The following CSPG4 variants were observed in gnomAD, a reference collection of about 807,000 sequenced individuals.
CSPG4 encodes chondroitin sulfate proteoglycan 4.
Under a neutral mutation model 139.3 loss-of-function variants are expected in CSPG4, and 74 were observed. The observed-to-expected ratio is 0.53, with a 90% CI of 0.44 to 0.64. The LOEUF is 0.64. Among genes scored for constraint, CSPG4 ranks in the 30% least tolerant of loss-of-function variants. The probability of loss-of-function intolerance (pLI) is 0.00; values close to 1 mark genes in which losing one functional copy is unlikely to be tolerated. For synonymous variants in CSPG4, 1,234 were observed against 1,394.2 expected (o/e 0.89, Z 2.56); for missense variants, 2,565 against 3,148.3 (o/e 0.81, Z 4.43).
At position 75,685,392 on chromosome 15, in the gene CSPG4, C is replaced by T. The variant is rs772682347; in HGVS notation, c.4099G>A (p.Val1367Ile). The T allele has an allele frequency of 7.1e-5, 114 of 1,610,884 alleles. No homozygotes were observed. Among genetic ancestry groups the T allele is most frequent in the Non-Finnish European group, 8.6e-5 (101 of 1,179,390 alleles). ...AIPLEAQNFS[V>I]PEGGSLTLAP... ...AGGGTGAGGCTGCCACCCTCAGGGA[C>T]GCTGAAGTTTTGCGCCTCTAGTGGG... Residue 1367 changes from valine (V) to isoleucine (I), a missense_variant, in exon 4 of 10, where the codon GTC becomes ATC. By Grantham distance (29) the Val-to-Ile change is conservative (BLOSUM62 3). Around this residue, in one of 5 missense-constraint regions of CSPG4, gnomAD observed 2,316 missense variants for 2,818.2 expected, o/e 0.82. Transcript: ENST00000308508.
At position 75,685,204 on chromosome 15, in the gene CSPG4, C is replaced by A; in HGVS notation, c.4272+15G>T. ...GAGCTGGGCTGCAGCCCCTGGGCCT[C>A]TCTCACAGCCATACCATTCTCCAGG... On this transcript the variant is annotated intron_variant, in intron 4 of 9. Transcript: ENST00000308508. The A allele has an allele frequency of 6.6e-7, 1 of 1,511,604 alleles. No individual in the cohort carries two copies. Among genetic ancestry groups the A allele is most frequent in the South Asian group, 1.3e-5 (1 of 74,902 alleles). The allele number at this position is 1,511,604 out of a possible 1,614,324, so 93.6% of individuals were successfully genotyped here.
chr15:75,679,062 T>C (rs1390331662), intron 8 of CSPG4: 1 of 264,594 alleles, frequency 3.8e-6, no homozygotes, highest in Non-Finnish European at 7.4e-6. Context: ...CATGAGTCCT[T>C]ATTCAGTCTC....
At chr15:75,681,052 G>A (rs1893967713) in intron 8 of CSPG4, among the ~76,000 whole-genome samples, 1 of 152,214 alleles carries the variant, frequency 6.6e-6, no homozygotes, top group South Asian at 2.1e-4. Flanking sequence ...CTCCATTCCT[G>A]GGCATTCTTG....
intron 1 of CSPG4, among the ~76,000 whole-genome samples, chr15:75,699,046 C>T (rs1374528784): frequency 6.6e-6 from 1 of 152,164 alleles, no homozygotes; most frequent in Non-Finnish European, 1.5e-5. Flanking sequence ...GACTGGGATT[C>T]CACCACCCAG....
At chr15:75,692,353 C>T (rs1304336441) in intron 2 of CSPG4, among the ~76,000 whole-genome samples, 2 of 152,162 alleles carry the variant, frequency 1.3e-5, no homozygotes, top group Non-Finnish European at 2.9e-5. Flanking sequence ...CTCCTAGGCT[C>T]GAGTGATCTT....
Position 75,684,873 on chromosome 15 carries a change from C to G in CSPG4, c.4312G>C (p.Glu1438Gln). The part of the protein sequence containing the change: ...QLIRYVHDGS[E>Q]TLTDSFVLMA... ...AGGACAAAACTGTCTGTCAGTGTCT[C>G]GCTCCCGTCATGCACGTAGCGGATC... The change falls in exon 5 of 10, where the codon GAG (glutamate) becomes CAG (glutamine). Residue 1438 changes from glutamate (E) to glutamine (Q), a missense_variant. Physicochemically the swap from Glu to Gln is conservative, Grantham distance 29. Transcript: ENST00000308508. 1 of 1,613,328 alleles carries G rather than the reference C, an allele frequency of 6.2e-7. No individual in the cohort carries two copies. Among genetic ancestry groups the G allele is most frequent in the South Asian group, 1.1e-5 (1 of 91,066 alleles).
chr15:75,686,309 C>G (rs965815237), intron 3 of CSPG4, among the ~76,000 whole-genome samples: 3 of 152,204 alleles, frequency 2.0e-5, no homozygotes, highest in African/African-American at 7.2e-5. Flanking sequence ...GCTCAGGATC[C>G]GTTCAGGCCT....
Position 75,701,098 on chromosome 15 carries a change from G to A in CSPG4, c.89-7865C>T, listed in dbSNP as rs369503647. ...AGGGACTGACACACATCTGGCCTCT[G>A]ACCAGCCCAGCAGACTGGCAAGAGG... On this transcript the variant is annotated intron_variant, in intron 1 of 9. Coordinates refer to ENST00000308508, the MANE Select transcript of CSPG4 (RefSeq NM_001897.5). Among the ~76,000 whole-genome samples, 115 of 150,760 alleles carry A rather than the reference G, an allele frequency of 7.6e-4. No individual in the cohort carries two copies. The East Asian group carries it at 0.017, about 22-fold the overall frequency.
Position 75,682,372 on chromosome 15 carries a change from C to T in CSPG4, c.4871G>A (p.Arg1624Gln), listed in dbSNP as rs775321944. The change falls in exon 8 of 10, where the codon CGG (arginine) becomes CAG (glutamine). Residue 1624 changes from arginine to glutamine, a missense_variant. Arg to Gln is a conservative substitution (Grantham distance 43). Coordinates refer to ENST00000308508, the MANE Select transcript of CSPG4 (RefSeq NM_001897.5). ...DPQLLLYRVV[R>Q]GPQLGRLFHA... ...GAACAGCCGGCCTAGCTGGGGGCCCCGCACCACACGGTAGAGCAGGAGCTG... is the reference window on the plus strand; with the variant it reads ...GAACAGCCGGCCTAGCTGGGGGCCCTGCACCACACGGTAGAGCAGGAGCTG... 20 of 1,596,746 alleles carry T rather than the reference C, an allele frequency of 1.3e-5. No individual in the cohort carries two copies. The highest frequency in any genetic ancestry group is 6.7e-5 in the East Asian group (3 of 44,892).
rs764583966 is a variant in CSPG4, at chr15:75,682,988, G to A, written c.4503C>T (p.Asp1501=). Residue 1501 remains aspartate, a synonymous_variant, in exon 6 of 10, where the codon GAC becomes GAT. Coordinates refer to ENST00000308508, the MANE Select transcript of CSPG4 (RefSeq NM_001897.5). ...PIPAEALRST[D]GDSGSEDLVY... ...CCAGATCCTCAGACCCAGAGTCGCCGTCCGTGCTCCTCAGAGCCTCCGCAG... is the reference window on the plus strand; with the variant it reads ...CCAGATCCTCAGACCCAGAGTCGCCATCCGTGCTCCTCAGAGCCTCCGCAG... 2.3e-5 allele frequency: 37 copies of A among 1,611,228 alleles called. No individual in the cohort carries two copies. Among genetic ancestry groups the A allele is most frequent in the East Asian group, 6.7e-5 (3 of 44,876 alleles).
chr15:75,674,671 C>T lies in CSPG4; in HGVS notation c.*879G>A, dbSNP rs1373936815. ...TATCCAGGCTCCATGGAACCAAGTG[C>T]CCCCAGCTGCCTGCCCTAGTCCTCA... On this transcript the variant is annotated 3_prime_UTR_variant, in exon 10 of 10. Transcript: ENST00000308508. The T allele has an allele frequency of 2.0e-5, 8 of 398,724 alleles. No individual in the cohort carries two copies. The highest frequency in any genetic ancestry group is 3.1e-5 in the Non-Finnish European group (7 of 226,114). 24.7% of individuals were successfully genotyped at this position (398,724 alleles called of 1,614,324 possible).
At chr15:75,691,235 A>G (rs1894162011) in intron 2 of CSPG4, among the ~76,000 whole-genome samples, 1 of 152,098 alleles carries the variant, frequency 6.6e-6, no homozygotes. Flanking sequence ...AGAGTGGAAA[A>G]CCTAGGACAA....
rs750562990 is a variant in CSPG4, at chr15:75,675,980, T to C, written c.6539A>G (p.Glu2180Gly). ...CTTCCCTGCTTCCGTCCGGGCGGCC[T>C]CGGGGACACTGAGCAGGGCCACGCT... is the stretch of plus-strand genomic sequence containing the variant. Reference protein sequence around the residue: ...PYSVALLSVPEAARTEAGKPE... With the variant: ...PYSVALLSVPGAARTEAGKPE... The change falls in exon 10 of 10, where the codon GAG (glutamate) becomes GGG (glycine). Residue 2180 changes from glutamate (E) to glycine (G), a missense_variant. Glu to Gly is a moderately conservative substitution (Grantham distance 98). Coordinates refer to ENST00000308508, the MANE Select transcript of CSPG4 (RefSeq NM_001897.5). 11 of 1,577,794 alleles carry C rather than the reference T, an allele frequency of 7.0e-6. No homozygotes were observed. The highest frequency in any genetic ancestry group is 9.4e-6 in the Non-Finnish European group (11 of 1,166,718).
In CSPG4 at chr15:75,698,407, G is replaced by A. The variant is rs1315934519; in HGVS notation, c.89-5174C>T. On this transcript the variant is annotated intron_variant, in intron 1 of 9. Transcript: ENST00000308508. The surrounding 1 kb of genome is among the most constrained non-coding windows in gnomAD (Gnocchi z 4.3). ...GGGCCAGGTGTGCTTCCCCAGCAGC[G>A]GACCCTCCCTGAGGTCACCTGGCCC... 6.6e-5 allele frequency among the ~76,000 whole-genome samples: 10 copies of A among 151,776 alleles called. No individual in the cohort carries two copies. Among genetic ancestry groups the A allele is most frequent in the South Asian group, 6.2e-4 (3 of 4,812 alleles).
Position 75,674,656 on chromosome 15 carries a change from C to T in CSPG4, c.*894G>A, listed in dbSNP as rs1893863485. On this transcript the variant is annotated 3_prime_UTR_variant, in exon 10 of 10. Coordinates refer to ENST00000308508, the MANE Select transcript of CSPG4 (RefSeq NM_001897.5). Reference sequence around the variant, plus strand: ...CTCCAAAGCACTGTTTATCCAGGCTCCATGGAACCAAGTGCCCCCAGCTGC... The same window carrying T: ...CTCCAAAGCACTGTTTATCCAGGCTTCATGGAACCAAGTGCCCCCAGCTGC... 7.5e-6 allele frequency: 3 copies of T among 398,936 alleles called. No homozygotes were observed. The highest frequency in any genetic ancestry group is 1.3e-5 in the Non-Finnish European group (3 of 226,122). The allele number at this position is 398,936 out of a possible 1,614,324, so 24.7% of individuals were successfully genotyped here.
Position 75,689,172 on chromosome 15 carries a change from G to A in CSPG4, c.1893C>T (p.Arg631=), listed in dbSNP as rs141672954. The change falls in exon 3 of 10, where the codon CGC becomes CGT. Residue 631 remains arginine, a synonymous_variant. Transcript: ENST00000308508. ...LEAGSLVYVH[R]GGPAQDLTFR... The stretch of plus-strand genomic sequence containing the variant: ...ACGTCAAGTCCTGTGCAGGACCACC[G>A]CGGTGGACATAGACTAGGCTGCCGG... The A allele has an allele frequency of 6.2e-6, 10 of 1,602,834 alleles. No individual in the cohort carries two copies. The highest frequency in any genetic ancestry group is 2.7e-5 in the African/African-American group (2 of 74,756).
Position 75,677,186 on chromosome 15 carries a change from T to C in CSPG4, c.5333A>G (p.Gln1778Arg). Residue 1778 changes from glutamine to arginine, a missense_variant, in exon 10 of 10, where the codon CAG (glutamine) becomes CGG (arginine). Physicochemically the swap from Gln to Arg is conservative, Grantham distance 43. Around this residue, in one of 5 missense-constraint regions of CSPG4, gnomAD observed 2,316 missense variants for 2,818.2 expected, o/e 0.82. Transcript: ENST00000308508. ...ATACACTAGCTGCCCTGCAGCCAGC[T>C]GGGACTGCAGGAAGTGGGGCTGCCC... is the stretch of plus-strand genomic sequence containing the variant. ...HAGQPHFLQSQLAAGQLVYAH... is the reference protein window; with the variant it reads ...HAGQPHFLQSRLAAGQLVYAH... The C allele has an allele frequency of 6.9e-7, 1 of 1,438,892 alleles. No homozygotes were observed. Among genetic ancestry groups the C allele is most frequent in the Non-Finnish European group, 9.1e-7 (1 of 1,093,106 alleles). 89.1% of individuals were successfully genotyped at this position (1,438,892 alleles called of 1,614,324 possible).
Position 75,689,210 on chromosome 15 carries a change from G to C in CSPG4, c.1855C>G (p.Arg619Gly). Residue 619 changes from arginine (R) to glycine (G), a missense_variant, in exon 3 of 10, where the codon CGG (arginine) becomes GGG (glycine). Arg to Gly is a moderately radical substitution (Grantham distance 125, BLOSUM62 -2). Coordinates refer to ENST00000308508, the MANE Select transcript of CSPG4 (RefSeq NM_001897.5). ...ACTAGGCTGCCGGCCTCCAACTCCC[G>C]GCAGGAGAACTCGGTCGCCGGCTCC... is the stretch of plus-strand genomic sequence containing the variant. ...PGEPATEFSC[R>G]ELEAGSLVYV... is the part of the protein sequence containing the mutation. The C allele has an allele frequency of 6.2e-7, 1 of 1,608,866 alleles. No homozygotes were observed. Among genetic ancestry groups the C allele is most frequent in the South Asian group, 1.1e-5 (1 of 90,882 alleles).
chr15:75,702,172 G>T (rs1213096912), intron 1 of CSPG4, among the ~76,000 whole-genome samples: 1 of 152,166 alleles, frequency 6.6e-6, no homozygotes, highest in Admixed American at 6.5e-5. Context: ...GGCACTGAAG[G>T]CCAGGGTGCC....
Sources: gnomAD v4.1 joint callset for allele counts (sites outside exome capture counted in the v4.1 genomes callset) on GRCh38, gnomAD v4.1.1 for gene constraint, gnomAD v4.1.1 regional missense constraint, Gnocchi (gnomAD v3.1) non-coding constraint, MANE v1.5 for transcripts, NCBI Gene and HGNC (gene_info 2026-07-23, HGNC 2026-07-21) for gene names.